Variants in RYR3 observed in about 807,000 individuals in gnomAD.
RYR3 encodes the protein brain ryanodine receptor-calcium release channel.
Under a neutral mutation model 584.3 loss-of-function variants are expected in RYR3, and 207 were observed. That is an observed-to-expected ratio of 0.35 (90% CI 0.32 to 0.40). RYR3 has a LOEUF of 0.40. Ranked by LOEUF, RYR3 falls within the 10% of genes least tolerant of loss-of-function variation. The pLI is 1.00. For synonymous variants in RYR3, 2,416 were observed against 2,248.5 expected (o/e 1.07, Z -2.11); for missense variants, 5,616 against 6,089.2 (o/e 0.92, Z 2.59).
At chr15:33,524,583 A>G (rs752259205) in intron 3 of RYR3, among the ~76,000 whole-genome samples, 6 of 152,182 alleles carry the variant, frequency 3.9e-5, no homozygotes, top group African/African-American at 2.4e-5. Flanking sequence ...CCCTTTTCAT[A>G]TACTTCCATA....
chr15:33,336,971 T>C (rs1466785528), intron 1 of RYR3, among the ~76,000 whole-genome samples: 1 of 133,908 alleles, frequency 7.5e-6, no homozygotes, highest in Non-Finnish European at 1.5e-5. Context: ...GGGAGGAGAA[T>C]GGCGTGAACC....
rs1409609251 is a variant in RYR3, at chr15:33,613,338, C to T, written c.2320C>T (p.Leu774Phe). 1 of 1,612,078 alleles carries T rather than the reference C, an allele frequency of 6.2e-7. No individual in the cohort carries two copies. Among genetic ancestry groups the T allele is most frequent in the East Asian group, 2.2e-5 (1 of 44,868 alleles). Residue 774 changes from leucine to phenylalanine, a missense_variant, in exon 19 of 104, where the codon CTC becomes TTC. Leu to Phe is a conservative substitution (Grantham distance 22, BLOSUM62 0). This residue lies in a region of RYR3 where 1,284 missense variants were observed against 1,344.6 expected (regional missense o/e 0.95). Coordinates refer to ENST00000634891, the MANE Select transcript of RYR3 (RefSeq NM_001036.6). ...GMFENFNTDG[L>F]FFPVMSFSAG... ...GTTTGAGAACTTCAACACAGACGGG[C>T]TCTTCTTCCCTGTGATGAGCTTTTC...
intron 7 of RYR3, among the ~76,000 whole-genome samples, chr15:33,541,387 G>A (rs2055802703): frequency 6.6e-6 from 1 of 152,074 alleles, no homozygotes; most frequent in African/African-American, 2.4e-5. Context: ...TAACATAAGA[G>A]GTGAAATTAT....
At chr15:33,327,742 ATCTC>A (rs2140623316) in intron 1 of RYR3, among the ~76,000 whole-genome samples, 1 of 150,652 alleles carries the variant, frequency 6.6e-6, no homozygotes, top group African/African-American at 2.4e-5. Context: ...CCCCATCTCT[ATCTC>A]TCTCTCTTCC....
Position 33,731,641 on chromosome 15 carries a change from C to T in RYR3, c.7371C>T (p.Ser2457=). 6.2e-7 allele frequency: 1 copy of T among 1,613,846 alleles called. No homozygotes were observed. The change falls in exon 48 of 104, where the codon TCC becomes TCT. Residue 2457 remains serine, a synonymous_variant. Coordinates refer to ENST00000634891, the MANE Select transcript of RYR3 (RefSeq NM_001036.6). ...TATACAGGCTATCCAAGGGACGTTC[C>T]CTCACCAAAGCACAAAGGGACACTA... The part of the protein sequence containing the change: ...QTIYRLSKGR[S]LTKAQRDTIE...
intron 48 of RYR3, among the ~76,000 whole-genome samples, chr15:33,734,302 AC>A (rs754568730): frequency 2.1e-4 from 32 of 152,222 alleles, no homozygotes; most frequent in Admixed American, 1.3e-4. Context: ...TTCAGTGGAC[AC>A]ACCAATTAAC....
chr15:33,836,769 C>G, intron 87 of RYR3, 137 bp from the exon 88 acceptor site: 1 of 605,680 alleles, frequency 1.7e-6, no homozygotes, highest in Non-Finnish European at 3.0e-6. Context: ...CATCCTCATT[C>G]AGAATGAGAA....
At chr15:33,615,349 T>C (rs1260955917) in intron 19 of RYR3, among the ~76,000 whole-genome samples, 2 of 152,218 alleles carry the variant, frequency 1.3e-5, no homozygotes, top group Non-Finnish European at 2.9e-5. Flanking sequence ...TAAACCAAGA[T>C]ATGTTTATAT....
At chr15:33,621,544 A>G (rs1243874084) in intron 19 of RYR3, among the ~76,000 whole-genome samples, 3 of 152,170 alleles carry the variant, frequency 2.0e-5, no homozygotes, top group African/African-American at 7.2e-5. Context: ...TTTTAATTTC[A>G]TTGTTCAAAT....
Position 33,857,945 on chromosome 15 carries a change from ACCCACTGCGGGGCCACCCCG to A in RYR3, c.14142+35_14142+54del, listed in dbSNP as rs750729799. 8.2e-6 allele frequency: 12 copies of A among 1,461,390 alleles called. No homozygotes were observed. In the Admixed American group the frequency reaches 1.2e-4, roughly 15 times the overall value. The allele number at this position is 1,461,390 out of a possible 1,614,324, so 90.5% of individuals were successfully genotyped here. ...AGCCCACCCACTGCGGGGCCAGCCC[ACCCACTGCGGGGCCACCCCG>A]CCCCACCACCTCACTGGGAAGAAGG... is the stretch of plus-strand genomic sequence containing the variant. On this transcript the variant is annotated intron_variant, in intron 99 of 103. Transcript: ENST00000634891.
intron 47 of RYR3, among the ~76,000 whole-genome samples, chr15:33,729,421 C>G (rs1228252638): frequency 6.6e-6 from 1 of 152,078 alleles, no homozygotes; most frequent in Non-Finnish European, 1.5e-5. Flanking sequence ...GACAAAATCA[C>G]CCTCTGGTGA....
chr15:33,633,945 CATT>C (rs2061383652), intron 24 of RYR3, among the ~76,000 whole-genome samples: 1 of 152,214 alleles, frequency 6.6e-6, no homozygotes, highest in African/African-American at 2.4e-5. Context: ...ATAGGGAAAT[CATT>C]ATACAAATCT....
chr15:33,844,166 C>A (rs2078562592), intron 92 of RYR3, among the ~76,000 whole-genome samples: 1 of 152,138 alleles, frequency 6.6e-6, no homozygotes, highest in Non-Finnish European at 1.5e-5. Context: ...TTAAAACCAC[C>A]AATCTAATTT....
intron 1 of RYR3, among the ~76,000 whole-genome samples, chr15:33,434,831 GTTTT>G (rs924060129): frequency 2.0e-5 from 3 of 151,910 alleles, no homozygotes; most frequent in Admixed American, 2.0e-4. Context: ...TGTTGTTGTT[GTTTT>G]GAGACAGAGT....
At chr15:33,850,532 T>C (rs566422605) in intron 94 of RYR3, 5 of 150,268 alleles carry the variant, frequency 3.3e-5, no homozygotes, top group South Asian at 4.1e-4. Flanking sequence ...CATAAATAAA[T>C]AGCTATTTTT....
chr15:33,633,809 A>T (rs2061376653), intron 24 of RYR3, among the ~76,000 whole-genome samples: 1 of 152,184 alleles, frequency 6.6e-6, no homozygotes, highest in Non-Finnish European at 1.5e-5. Context: ...ACATTACTAC[A>T]AATGTGTGTC....
intron 1 of RYR3, among the ~76,000 whole-genome samples, chr15:33,361,115 C>T (rs1164137218): frequency 1.3e-5 from 2 of 152,220 alleles, no homozygotes; most frequent in African/African-American, 4.8e-5. Flanking sequence ...CCACATTTCT[C>T]ATGGCCTGGA....
Position 33,738,474 on chromosome 15 carries a change from T to A in RYR3, c.7540T>A (p.Cys2514Ser). The change falls in exon 50 of 104, where the codon TGT becomes AGT. Residue 2514 changes from cysteine to serine, a missense_variant. Cys to Ser is a moderately radical substitution (Grantham distance 112). This residue lies in a region of RYR3 where 1,280 missense variants were observed against 1,426.2 expected (regional missense o/e 0.90). Transcript: ENST00000634891. ...LKLLTNHYEQ[C>S]WKYYCLPSGW... ...GCTTCTGACGAATCACTATGAACAG[T>A]GTTGGAAGTATTACTGCCTGCCTTC... 6.2e-7 allele frequency: 1 copy of A among 1,613,870 alleles called. No homozygotes were observed. Among genetic ancestry groups the A allele is most frequent in the South Asian group, 1.1e-5 (1 of 91,028 alleles).
chr15:33,810,853 T>C, intron 71 of RYR3, 125 bp from the exon 72 acceptor site: 1 of 1,104,908 alleles, frequency 9.1e-7, no homozygotes. Context: ...CCGGAATATT[T>C]TTTCTTTTGT....
Sources: allele counts gnomAD v4.1 joint callset (sites outside exome capture counted in the v4.1 genomes callset), GRCh38; gene constraint gnomAD v4.1.1; regional missense constraint gnomAD v4.1.1; transcripts MANE v1.5; gene names NCBI Gene and HGNC (gene_info 2026-07-23, HGNC 2026-07-21).